Variants in FUZ observed in about 807,000 individuals in gnomAD.
FUZ encodes protein fuzzy homolog.
Under a neutral mutation model 43.1 loss-of-function variants are expected in FUZ, and 31 were observed. The ratio of observed to expected loss-of-function variants is 0.72; its 90% CI spans 0.54 to 0.97. FUZ has a LOEUF of 0.97. Ranked by LOEUF, FUZ falls within the 50% of genes least tolerant of loss-of-function variation. FUZ has a pLI of 0.00. For synonymous variants in FUZ, 274 were observed against 250.0 expected, an observed-to-expected ratio of 1.10 and a Z score of -0.91; for missense variants, 539 against 543.8, an observed-to-expected ratio of 0.99 and a Z score of 0.09.
chr19:49,808,953 A>G, intron 7 of FUZ, 130 bp from the exon 8 acceptor site: 5 of 876,606 alleles, frequency 5.7e-6, no homozygotes, highest in South Asian at 4.3e-5. Context: ...TGGAGGGCGG[A>G]GGGCAGAAGG....
intron 10 of FUZ, chr19:49,808,180 AGT>A (rs747959999): frequency 1.7e-6 from 1 of 599,854 alleles, no homozygotes; most frequent in African/African-American, 1.8e-5. Flanking sequence ...GTGAGGTCTC[AGT>A]GTTAACTATT....
chr19:49,811,520 C>T, intron 4 of FUZ, 53 bp from the exon 5 acceptor site: 1 of 1,589,600 alleles, frequency 6.3e-7, no homozygotes, highest in Non-Finnish European at 8.6e-7. Context: ...CAGGGTCAGA[C>T]AACCAAGAAC....
intron 10 of FUZ, among the ~76,000 whole-genome samples, 196 bp from the exon 11 acceptor site, chr19:49,807,570 C>T (rs1470988445): frequency 1.3e-5 from 2 of 152,140 alleles, no homozygotes; most frequent in African/African-American, 4.8e-5. Flanking sequence ...CTCAGCTCAC[C>T]CTCTTCCTCT....
In FUZ at chr19:49,809,157, G is replaced by A. The variant is rs2073618596; in HGVS notation, c.786+6C>T. On this transcript the variant is annotated splice_donor_region_variant and intron_variant, in intron 7 of 10. Transcript: ENST00000313777. This position sits in a 1 kb window ranked among gnomAD's most constrained non-coding sequence, Gnocchi z 5.1. ...AGAGCGAAAGCGGGACGTGGCGCGG[G>A]TTCACCTGTGGATACAACTGGCTGA... The A allele has an allele frequency of 9.0e-6, 14 of 1,551,436 alleles. No individual in the cohort carries two copies. The highest frequency in any genetic ancestry group is 1.2e-5 in the Non-Finnish European group (14 of 1,146,960).
rs1203921059 is a variant in FUZ at position 49,811,143 on chromosome 19, C to T, written c.492+220G>A. ...TCCAGCCTGGGCAACAAGAGTGAAACTACGTCTCAAATAAAAAGAGAGAAA... is the reference window on the plus strand; with the variant it reads ...TCCAGCCTGGGCAACAAGAGTGAAATTACGTCTCAAATAAAAAGAGAGAAA... On this transcript the variant is annotated intron_variant, in intron 5 of 10. Coordinates refer to ENST00000313777, the MANE Select transcript of FUZ (RefSeq NM_025129.5). 6.6e-6 allele frequency: 4 copies of T among 608,566 alleles called. No individual in the cohort carries two copies. In the East Asian group the frequency reaches 1.2e-4, roughly 19 times the overall value. 37.7% of individuals were successfully genotyped at this position (608,566 alleles called of 1,614,324 possible).
At chr19:49,808,255 C>T (rs2073508028) in intron 10 of FUZ, 159 bp downstream of exon 10, 11 of 774,420 alleles carry the variant, frequency 1.4e-5, no homozygotes, top group Non-Finnish European at 2.4e-5. Context: ...CCCTTCCCAT[C>T]TGCATCAATG....
rs1211801908 is a variant in FUZ, at chr19:49,808,760, G to A, written c.850C>T (p.Arg284Trp). 3.2e-6 allele frequency: 5 copies of A among 1,576,658 alleles called. No individual in the cohort carries two copies. Among genetic ancestry groups the A allele is most frequent in the Non-Finnish European group, 4.3e-6 (5 of 1,161,038 alleles). Residue 284 changes from arginine (R) to tryptophan (W), a missense_variant, in exon 8 of 11, where the codon CGG becomes TGG. Physicochemically the swap from Arg to Trp is moderately radical, Grantham distance 101. Transcript: ENST00000313777. ...PLRACLPLGP[R>W]ALPSGFPLHT... is the part of the protein sequence containing the mutation. The stretch of plus-strand genomic sequence containing the variant: ...AGGGGGAAGCCACTGGGCAGCGCCC[G>A]GGGTCCCAACGGCAGACAGGCCCGC...
Position 49,808,395 on chromosome 19 carries a change from C to T in FUZ, c.1033+19G>A. On this transcript the variant is annotated intron_variant, in intron 10 of 10. Transcript: ENST00000313777. ...AGTGTCCCCGCCTGCGCAGTGGGAG[C>T]ACTGTGCCTTCCGCTGACCTGGTGG... is the stretch of plus-strand genomic sequence containing the variant. The T allele has an allele frequency of 6.2e-7, 1 of 1,608,472 alleles. No individual in the cohort carries two copies.
Position 49,812,985 on chromosome 19 carries a change from C to T in FUZ, c.111+11G>A. 6.5e-7 allele frequency: 1 copy of T among 1,549,438 alleles called. No individual in the cohort carries two copies. Among genetic ancestry groups the T allele is most frequent in the Non-Finnish European group, 8.7e-7 (1 of 1,145,512 alleles). ...CCCCTTCGGTTTAGATACAGGCGTCCAAGGCCCCACCTGCTGACGGGCGGG... is the reference window on the plus strand; with the variant it reads ...CCCCTTCGGTTTAGATACAGGCGTCTAAGGCCCCACCTGCTGACGGGCGGG... On this transcript the variant is annotated intron_variant, in intron 1 of 10. Transcript: ENST00000313777.
chr19:49,808,620 C>G lies in FUZ; in HGVS notation c.912G>C (p.Leu304=). The G allele has an allele frequency of 1.2e-6, 2 of 1,613,418 alleles. No homozygotes were observed. The highest frequency in any genetic ancestry group is 1.7e-6 in the Non-Finnish European group (2 of 1,179,754). ...TDILGLLLLH[L]ELKRCLFTVE... The stretch of plus-strand genomic sequence containing the variant: ...CGGTGAAGAGGCAGCGCTTCAGTTC[C>G]AGGTGGAGGAGCAGCAGCCTGTGGG... Residue 304 remains leucine, a synonymous_variant, in exon 9 of 11, where the codon CTG becomes CTC. Transcript: ENST00000313777.
At position 49,808,481 on chromosome 19, in the gene FUZ, T is replaced by G; in HGVS notation, c.966A>C (p.Ser322=). ...GGAGGAGGCGCCGGCGCTGTTCTGG[T>G]GAAGGCTCTGCTGGGAGGAAAAGGC... The part of the protein sequence containing the change: ...TVEPLGDKEP[S]PEQRRRLLRN... The change falls in exon 10 of 11, where the codon TCA becomes TCC. Residue 322 remains serine (S), a synonymous_variant. Coordinates refer to ENST00000313777, the MANE Select transcript of FUZ (RefSeq NM_025129.5). 1 of 1,611,684 alleles carries G rather than the reference T, an allele frequency of 6.2e-7. No homozygotes were observed. The highest frequency in any genetic ancestry group is 8.5e-7 in the Non-Finnish European group (1 of 1,179,290).
rs143722232 is a variant in FUZ at position 49,808,624 on chromosome 19, T to A, written c.908A>T (p.His303Leu). ...GAAGAGGCAGCGCTTCAGTTCCAGG[T>A]GGAGGAGCAGCAGCCTGTGGGAAAG... ...HTDILGLLLL[H>L]LELKRCLFTV... Residue 303 changes from histidine (H) to leucine (L), a missense_variant, in exon 9 of 11, where the codon CAC becomes CTC. Physicochemically the swap from His to Leu is moderately conservative, Grantham distance 99 (BLOSUM62 -3). Coordinates refer to ENST00000313777, the MANE Select transcript of FUZ (RefSeq NM_025129.5). 6.2e-5 allele frequency: 100 copies of A among 1,612,610 alleles called. No homozygotes were observed. In the Admixed American group the frequency reaches 7.5e-4, roughly 12 times the overall value.
rs146210340 is a variant in FUZ at position 49,807,181 on chromosome 19, G to A, written c.1227C>T (p.His409=). The A allele has an allele frequency of 1.4e-5, 23 of 1,613,336 alleles. No homozygotes were observed. Among genetic ancestry groups the A allele is most frequent in the Non-Finnish European group, 1.9e-5 (22 of 1,179,862 alleles). The change falls in exon 11 of 11, where the codon CAC becomes CAT. Residue 409 remains histidine (H), a synonymous_variant. Transcript: ENST00000313777. ...PTHGLRSLAT[H]TLHALTPLL ...GAAGTGGGGTGAGGGCATGCAGAGT[G>A]TGGGTGGCCAGGCTTCGCAGCCCAT...
chr19:49,812,436 C>A, intron 2 of FUZ, 101 bp from the exon 3 acceptor site: 2 of 1,337,752 alleles, frequency 1.5e-6, no homozygotes, highest in African/African-American at 2.9e-5. Flanking sequence ...TACATCCTCT[C>A]TCAGACCAAC....
In FUZ at chr19:49,812,990, C is replaced by T. The variant is rs1230753606; in HGVS notation, c.111+6G>A. The T allele has an allele frequency of 6.5e-7, 1 of 1,549,928 alleles. No individual in the cohort carries two copies. The highest frequency in any genetic ancestry group is 2.4e-5 in the East Asian group (1 of 40,912). ...TCGGTTTAGATACAGGCGTCCAAGG[C>T]CCCACCTGCTGACGGGCGGGGGCGC... On this transcript the variant is annotated splice_donor_region_variant and intron_variant, in intron 1 of 10. Transcript: ENST00000313777.
rs941808220 is a variant in FUZ at position 49,813,248 on chromosome 19, G to A, written c.-142C>T. 5 of 787,066 alleles carry A rather than the reference G, an allele frequency of 6.4e-6. No individual in the cohort carries two copies. The highest frequency in any genetic ancestry group is 4.0e-5 in the Admixed American group (2 of 50,108). 48.8% of individuals were successfully genotyped at this position (787,066 alleles called of 1,614,324 possible). A position where few individuals can be genotyped will look rare whatever the true frequency, so the allele number is the denominator to read the frequency against. ...CTGATTGGAAGAGGATTAACTTCCC[G>A]CCTTCTTCACCCAACTCAAACAGAC... On this transcript the variant is annotated 5_prime_UTR_variant, in exon 1 of 11. Transcript: ENST00000313777.
intron 2 of FUZ, 118 bp downstream of exon 2, chr19:49,812,497 T>C: frequency 2.0e-6 from 3 of 1,482,504 alleles, no homozygotes; most frequent in East Asian, 4.5e-5. Context: ...ACTGGCTTGC[T>C]AAAGATCCCA....
Position 49,807,343 on chromosome 19 carries a change from C to T in FUZ, c.1065G>A (p.Glu355=), listed in dbSNP as rs1449049736. Residue 355 remains glutamate, a synonymous_variant, in exon 11 of 11, where the codon GAG becomes GAA. Transcript: ENST00000313777. ...CTCTGGGCAGCTGGGCCTGGTAGAC[C>T]TCATCTTCTGTCTTCTCTGGTGGCC... The part of the protein sequence containing the change: ...EPGPPEKTED[E]VYQAQLPRAC... 15 of 1,613,392 alleles carry T rather than the reference C, an allele frequency of 9.3e-6. No homozygotes were observed. The highest frequency in any genetic ancestry group is 3.3e-4 in the Middle Eastern group (2 of 6,084).
In FUZ at chr19:49,807,387, C is replaced by G; in HGVS notation, c.1034-13G>C. The G allele has an allele frequency of 1.2e-6, 2 of 1,605,938 alleles. No individual in the cohort carries two copies. Among genetic ancestry groups the G allele is most frequent in the East Asian group, 4.5e-5 (2 of 44,460 alleles). ...GGTGGCCCTGGCTCTGGAGAAAGAA[C>G]AGGGGGCACTGACATGACAAGTAGC... On this transcript the variant is annotated splice_polypyrimidine_tract_variant and intron_variant, in intron 10 of 10. Coordinates refer to ENST00000313777, the MANE Select transcript of FUZ (RefSeq NM_025129.5).
Sources: gnomAD v4.1 joint callset for allele counts (sites outside exome capture counted in the v4.1 genomes callset) on GRCh38, gnomAD v4.1.1 for gene constraint, Gnocchi (gnomAD v3.1) non-coding constraint, MANE v1.5 for transcripts, NCBI Gene and HGNC (gene_info 2026-07-23, HGNC 2026-07-21) for gene names.